MAN1A1: variants seen among roughly 807,000 people sequenced by gnomAD.
MAN1A1 encodes the protein mannosidase alpha class 1A member 1.
Under a neutral mutation model 70.8 loss-of-function variants are expected in MAN1A1, and 29 were observed. The observed-to-expected ratio is 0.41, with a 90% CI of 0.31 to 0.56. The LOEUF is 0.56. Among genes scored for constraint, MAN1A1 ranks in the 20% least tolerant of loss-of-function variants. MAN1A1 has a pLI of 0.29. For missense variants in MAN1A1, 747 were observed against 841.3 expected, an observed-to-expected ratio of 0.89 and a Z score of 1.39; for synonymous variants, 349 against 330.1, an observed-to-expected ratio of 1.06 and a Z score of -0.62.
Position 119,189,880 on chromosome 6 carries a change from T to C in MAN1A1, c.1330A>G (p.Ile444Val), listed in dbSNP as rs375324542. 26 of 1,612,184 alleles carry C rather than the reference T, an allele frequency of 1.6e-5. No homozygotes were observed. The highest frequency in any genetic ancestry group is 8.8e-5 in the South Asian group (8 of 91,032). ...KKMYFDAVQA[I>V]ETHLIRKSSS... ...GACTTGCGGATCAAATGAGTCTCGA[T>C]AGCCTGTGAAAAACACTTATTTTTT... Residue 444 changes from isoleucine (I) to valine (V), a missense_variant, in exon 10 of 13, where the codon ATC becomes GTC. Physicochemically the swap from Ile to Val is conservative, Grantham distance 29 (BLOSUM62 3). Coordinates refer to ENST00000368468, the MANE Select transcript of MAN1A1 (RefSeq NM_005907.4).
At chr6:119,228,556 C>T (rs1582715025) in intron 6 of MAN1A1, among the ~76,000 whole-genome samples, 1 of 152,108 alleles carries the variant, frequency 6.6e-6, no homozygotes, top group East Asian at 1.9e-4. Flanking sequence ...TATGACTATA[C>T]ATCCTAAATT....
intron 2 of MAN1A1, among the ~76,000 whole-genome samples, chr6:119,307,350 T>A (rs569111200): frequency 6.6e-6 from 1 of 152,178 alleles, no homozygotes; most frequent in Non-Finnish European, 1.5e-5. Flanking sequence ...ACAGATTAAA[T>A]CTGCAAAGAC....
rs1773350223 is a variant in MAN1A1, at chr6:119,188,417, C to G, written c.1707G>C (p.Trp569Cys). 1 of 1,606,530 alleles carries G rather than the reference C, an allele frequency of 6.2e-7. No individual in the cohort carries two copies. The highest frequency in any genetic ancestry group is 1.3e-5 in the African/African-American group (1 of 74,436). ...THDPKYRKWA[W>C]EAVEALENHC... ...ATTAAAACATCACCTCTACGGCTTCCCAGGCCCATTTCCTGTACTTTGGAT... is the reference window on the plus strand; with the variant it reads ...ATTAAAACATCACCTCTACGGCTTCGCAGGCCCATTTCCTGTACTTTGGAT... The change falls in exon 11 of 13, where the codon TGG becomes TGC. Residue 569 changes from tryptophan (W) to cysteine (C), a missense_variant. Trp to Cys is a radical substitution (Grantham distance 215). Transcript: ENST00000368468.
chr6:119,300,981 A>T (rs1194537917), intron 4 of MAN1A1, among the ~76,000 whole-genome samples: 3 of 152,200 alleles, frequency 2.0e-5, no homozygotes, highest in Non-Finnish European at 4.4e-5. Context: ...TTAATATTCT[A>T]CCTAACACTG....
upstream of MAN1A1, chr6:119,350,514 A>G (rs1014862117): frequency 1.0e-6 from 1 of 985,264 alleles, no homozygotes; most frequent in Non-Finnish European, 1.2e-6. Flanking sequence ...CCGTACTTTC[A>G]CTATTCATTT....
At chr6:119,254,263 GGA>G (rs1225021456) in intron 5 of MAN1A1, among the ~76,000 whole-genome samples, 1 of 152,180 alleles carries the variant, frequency 6.6e-6, no homozygotes, top group Non-Finnish European at 1.5e-5. Context: ...TAGGCATGAT[GGA>G]GAGAGCCCCG....
intron 2 of MAN1A1, among the ~76,000 whole-genome samples, chr6:119,312,441 G>A (rs553156857): frequency 6.6e-6 from 1 of 152,182 alleles, no homozygotes; most frequent in South Asian, 2.1e-4. Flanking sequence ...AAGCAACTTG[G>A]GGGAAATTAA....
chr6:119,224,424 C>A (rs1168115571), intron 6 of MAN1A1, among the ~76,000 whole-genome samples: 1 of 152,100 alleles, frequency 6.6e-6, no homozygotes, highest in Non-Finnish European at 1.5e-5. Flanking sequence ...CGGAGAAGAT[C>A]CCCAGGGTGC....
intron 8 of MAN1A1, among the ~76,000 whole-genome samples, chr6:119,199,385 T>G (rs1773655527): frequency 1.3e-5 from 2 of 152,220 alleles, no homozygotes; most frequent in African/African-American, 4.8e-5. Context: ...AGTAAGTGGC[T>G]AGCTCAGCTT....
intron 11 of MAN1A1, among the ~76,000 whole-genome samples, chr6:119,185,807 C>T (rs1451594637): frequency 6.6e-6 from 1 of 150,638 alleles, no homozygotes; most frequent in Admixed American, 6.6e-5. Flanking sequence ...TCTCGATCTC[C>T]TGACCATGAT....
At chr6:119,334,027 C>T (rs1019788735) in intron 2 of MAN1A1, among the ~76,000 whole-genome samples, 2 of 152,190 alleles carry the variant, frequency 1.3e-5, no homozygotes, top group African/African-American at 4.8e-5. Context: ...CCAAAGACAC[C>T]TGTTTTAAAC....
At chr6:119,202,544 A>G (rs1233673456) in intron 7 of MAN1A1, among the ~76,000 whole-genome samples, 1 of 152,206 alleles carries the variant, frequency 6.6e-6, no homozygotes, top group African/African-American at 2.4e-5. Flanking sequence ...GCAGTCATTT[A>G]ATTATCAAAT....
intron 2 of MAN1A1, among the ~76,000 whole-genome samples, chr6:119,320,968 T>C (rs550230547): frequency 6.6e-6 from 1 of 152,306 alleles, no homozygotes; most frequent in South Asian, 2.1e-4. Flanking sequence ...TAATAGTACT[T>C]GCATTAAATA....
rs1353418264 is a variant in MAN1A1 at position 119,345,728 on chromosome 6, T to TA, written c.603+2734dup. Among the ~76,000 whole-genome samples, 3 of 152,362 alleles carry TA rather than the reference T, an allele frequency of 2.0e-5. No individual in the cohort carries two copies. The East Asian group carries it at 5.8e-4, about 29-fold the overall frequency. ...ATTACAATCCAGTCTTCCAACATGT[T>TA]AGACTTGAGTGCACTTTCTAAATTT... is the stretch of plus-strand genomic sequence containing the variant. On this transcript the variant is annotated intron_variant, in intron 2 of 12. Transcript: ENST00000368468.
intron 4 of MAN1A1, among the ~76,000 whole-genome samples, chr6:119,299,269 T>C (rs1772317727): frequency 1.3e-5 from 2 of 152,100 alleles, no homozygotes; most frequent in South Asian, 4.1e-4. Context: ...ATTTGTATGT[T>C]ACTATTTTTA....
intron 2 of MAN1A1, among the ~76,000 whole-genome samples, chr6:119,313,890 G>A (rs1376497423): frequency 1.3e-5 from 2 of 150,694 alleles, no homozygotes; most frequent in Admixed American, 6.6e-5. Context: ...AGAAGTGAAT[G>A]GGAAACGTGA....
chr6:119,293,067 C>T (rs1268900037), intron 4 of MAN1A1, among the ~76,000 whole-genome samples: 1 of 152,190 alleles, frequency 6.6e-6, no homozygotes, highest in African/African-American at 2.4e-5. Flanking sequence ...TCCCACATTT[C>T]TGCCTATTGA....
chr6:119,183,135 A>G (rs1773195527), intron 11 of MAN1A1, among the ~76,000 whole-genome samples: 1 of 152,236 alleles, frequency 6.6e-6, no homozygotes, highest in South Asian at 2.1e-4. Flanking sequence ...TTTTCACATC[A>G]GGGCTGGAGG....
chr6:119,242,766 T>C (rs975610839), intron 6 of MAN1A1, among the ~76,000 whole-genome samples: 2 of 152,298 alleles, frequency 1.3e-5, no homozygotes, highest in East Asian at 3.9e-4. Flanking sequence ...GTTTTACTTA[T>C]GAAAAGTTAA....
Sources: gnomAD v4.1 joint callset for allele counts (sites outside exome capture counted in the v4.1 genomes callset) on GRCh38, gnomAD v4.1.1 for gene constraint, MANE v1.5 for transcripts, NCBI Gene and HGNC (gene_info 2026-07-23, HGNC 2026-07-21) for gene names.